The following RGS7 variants were observed in gnomAD, a reference collection of about 807,000 sequenced individuals.
RGS7 encodes the protein regulator of G-protein signaling 7.
A neutral mutation model predicts 81.1 loss-of-function variants in RGS7; 27 were observed. The observed-to-expected ratio is 0.33, with a 90% CI of 0.25 to 0.46. RGS7 has a LOEUF of 0.46. RGS7 is among the 20% of genes least tolerant of loss of function. RGS7 has a pLI of 1.00. For missense variants in RGS7, 396 were observed against 607.4 expected (o/e 0.65, Z 3.66); for synonymous variants, 208 against 207.7 (o/e 1.00, Z -0.01).
chr1:240,833,283 G>T (rs1694149897), intron 9 of RGS7, among the ~76,000 whole-genome samples: 1 of 152,146 alleles, frequency 6.6e-6, no homozygotes, highest in Non-Finnish European at 1.5e-5. Flanking sequence ...TCATGTTCCA[G>T]GTGGGGCAGA....
intron 6 of RGS7, among the ~76,000 whole-genome samples, chr1:240,914,864 G>A (rs1672335993): frequency 6.6e-6 from 1 of 152,176 alleles, no homozygotes; most frequent in Non-Finnish European, 1.5e-5. Context: ...AGACAGAAAT[G>A]TACAGAGAAT....
intron 9 of RGS7, among the ~76,000 whole-genome samples, chr1:240,841,988 C>A (rs193288753): frequency 3.5e-4 from 53 of 152,060 alleles, no homozygotes; most frequent in Admixed American, 2.5e-3. Context: ...TCTTTCAGAG[C>A]GAGTGCAATA....
chr1:240,932,177 G>A (rs1349643699), intron 5 of RGS7, among the ~76,000 whole-genome samples: 2 of 151,978 alleles, frequency 1.3e-5, no homozygotes, highest in Non-Finnish European at 2.9e-5. Context: ...TGTCTCAGAG[G>A]CCCCCCCGAC....
chr1:240,911,691 C>A (rs1671776482), intron 6 of RGS7, among the ~76,000 whole-genome samples: 1 of 152,138 alleles, frequency 6.6e-6, no homozygotes, highest in Admixed American at 6.5e-5. Context: ...GCCCAGTGGA[C>A]CATGAATTTA....
intron 3 of RGS7, among the ~76,000 whole-genome samples, chr1:241,013,027 T>C (rs1201727496): frequency 6.7e-6 from 1 of 150,124 alleles, no homozygotes; most frequent in Non-Finnish European, 1.5e-5. Context: ...CAGGCTGGTA[T>C]AAAAATGTCA....
chr1:241,041,273 C>T (rs777249642), intron 3 of RGS7, among the ~76,000 whole-genome samples: 3 of 152,106 alleles, frequency 2.0e-5, no homozygotes, highest in African/African-American at 4.8e-5. Flanking sequence ...AGTTTTACTG[C>T]GGTGATCTTT....
chr1:241,327,132 A>AAG (rs1491298379), intron 2 of RGS7, among the ~76,000 whole-genome samples: 1 of 117,648 alleles, frequency 8.5e-6, no homozygotes, highest in Non-Finnish European at 1.9e-5. Flanking sequence ...GAAAGAAAGA[A>AAG]AGAAAGAAAG....
intron 2 of RGS7, among the ~76,000 whole-genome samples, chr1:241,214,696 CT>C (rs1394338021): frequency 5.9e-5 from 9 of 151,996 alleles, no homozygotes; most frequent in African/African-American, 1.9e-4. Context: ...TTCTTAAAAT[CT>C]TTTTTTAAAT....
intron 2 of RGS7, among the ~76,000 whole-genome samples, chr1:241,226,459 G>T (rs1423777962): frequency 6.6e-6 from 1 of 152,184 alleles, no homozygotes; most frequent in Non-Finnish European, 1.5e-5. Context: ...AGGATTGGAA[G>T]TACTACACAT....
chr1:241,348,647 T>G (rs1488901984), intron 2 of RGS7, among the ~76,000 whole-genome samples: 1 of 152,224 alleles, frequency 6.6e-6, no homozygotes, highest in African/African-American at 2.4e-5. Flanking sequence ...ACTCTGAGTT[T>G]CCTTTCACCT....
In RGS7 at chr1:241,089,781, A is replaced by G. The variant is rs188437427; in HGVS notation, c.175+8885T>C. ...AGCACTTTGGGAGGAAGAGGTGGGC[A>G]GATCACGAGGTCAGGAGATCGAGAC... On this transcript the variant is annotated intron_variant, in intron 3 of 18. Coordinates refer to ENST00000440928, the MANE Select transcript of RGS7 (RefSeq NM_001364886.1). Among the ~76,000 whole-genome samples the G allele has an allele frequency of 2.2e-3, 330 of 152,206 alleles. 1 individual carries two copies. Among genetic ancestry groups the G allele is most frequent in the African/African-American group, 7.5e-3 (313 of 41,542 alleles).
rs12046680 is a variant in RGS7 at position 241,291,508 on chromosome 1, C to G, written c.78+64191G>C. Among the ~76,000 whole-genome samples the G allele has an allele frequency of 9.5e-4, 143 of 149,982 alleles. No individual in the cohort carries two copies. In the East Asian group the frequency reaches 0.024, roughly 25 times the overall value. ...ATTAATATAAAATGGGGCAATGTTG[C>G]CTACTGAAGGGAAGGTAGGGGCAAG... On this transcript the variant is annotated intron_variant, in intron 2 of 18. Transcript: ENST00000440928.
chr1:240,881,960 G>C (rs972733484), intron 6 of RGS7, among the ~76,000 whole-genome samples: 14 of 151,786 alleles, frequency 9.2e-5, no homozygotes, highest in African/African-American at 3.4e-4. Context: ...TGTCACCCAG[G>C]CTGGAGTGTC....
chr1:240,918,782 C>T (rs531481600), intron 6 of RGS7, among the ~76,000 whole-genome samples: 23 of 151,408 alleles, frequency 1.5e-4, no homozygotes, highest in South Asian at 1.5e-3. Flanking sequence ...AGAAATTCAA[C>T]GAAACCAAAA....
At position 240,960,217 on chromosome 1, in the gene RGS7, C is replaced by CTTCT. The variant is rs60911948; in HGVS notation, c.226+22861_226+22862insAGAA. ...TTTTCTTCTTCTTCCTCTTCTTCTT[C>CTTCT]TTTTTTTTTTTTTTTTTGTTGTTGT... On this transcript the variant is annotated intron_variant, in intron 4 of 18. Coordinates refer to ENST00000440928, the MANE Select transcript of RGS7 (RefSeq NM_001364886.1). Among the ~76,000 whole-genome samples the CTTCT allele has an allele frequency of 6.6e-3, 59 of 8,960 alleles. 4 individuals are homozygous for CTTCT. The highest frequency in any genetic ancestry group is 0.018 in the African/African-American group (49 of 2,664). The allele number at this position is 8,960 out of a possible 152,430, so 5.9% of individuals were successfully genotyped here. A position where few individuals can be genotyped will look rare whatever the true frequency, so the allele number is the denominator to read the frequency against.
intron 9 of RGS7, among the ~76,000 whole-genome samples, chr1:240,845,800 C>T (rs1366000552): frequency 6.6e-6 from 1 of 152,156 alleles, no homozygotes; most frequent in Non-Finnish European, 1.5e-5. Flanking sequence ...AGGTGGCATG[C>T]ATTTAACATG....
At chr1:240,930,676 T>C (rs779905517) in intron 6 of RGS7, 41 bp downstream of exon 6, 100 of 1,581,428 alleles carry the variant, frequency 6.3e-5, no homozygotes, top group Non-Finnish European at 6.4e-5. Context: ...CATCTACACA[T>C]ACAGGCTGTC....
At chr1:240,953,962 C>T (rs1303379156) in intron 4 of RGS7, among the ~76,000 whole-genome samples, 1 of 151,972 alleles carries the variant, frequency 6.6e-6, no homozygotes. Flanking sequence ...TAAAGGAACA[C>T]TATGAGCAAT....
At chr1:240,961,120 A>G (rs1226701866) in intron 4 of RGS7, among the ~76,000 whole-genome samples, 1 of 152,210 alleles carries the variant, frequency 6.6e-6, no homozygotes, top group Non-Finnish European at 1.5e-5. Flanking sequence ...AAAAGTAATA[A>G]AAATTATCTG....
Sources: gnomAD v4.1 joint callset for allele counts (sites outside exome capture counted in the v4.1 genomes callset) on GRCh38, gnomAD v4.1.1 for gene constraint, MANE v1.5 for transcripts, NCBI Gene and HGNC (gene_info 2026-07-23, HGNC 2026-07-21) for gene names.